The following CNTNAP2 variants were observed in gnomAD, a reference collection of about 807,000 sequenced individuals.
The protein encoded by CNTNAP2 is contactin-associated protein-like 2.
Under a neutral mutation model 155.2 loss-of-function variants are expected in CNTNAP2, and 98 were observed. That is an observed-to-expected ratio of 0.63 (90% confidence interval 0.54 to 0.75). CNTNAP2 has a LOEUF of 0.75. Ranked by LOEUF, CNTNAP2 falls within the 30% of genes least tolerant of loss-of-function variation. The pLI, the probability that CNTNAP2 is intolerant of heterozygous loss-of-function variation, is 0.00. For synonymous variants in CNTNAP2, 651 were observed against 631.2 expected, an observed-to-expected ratio of 1.03 and a Z score of -0.47; for missense variants, 1,727 against 1,688.1, an observed-to-expected ratio of 1.02 and a Z score of -0.40.
At chr7:146,754,478 C>G (rs923747292) in intron 1 of CNTNAP2, among the ~76,000 whole-genome samples, 1 of 151,942 alleles carries the variant, frequency 6.6e-6, no homozygotes, top group South Asian at 2.1e-4. Flanking sequence ...CCTGTACACA[C>G]CCTGCTTCAG....
intron 21 of CNTNAP2, among the ~76,000 whole-genome samples, chr7:148,273,337 G>T (rs767553461): frequency 4.6e-5 from 7 of 152,060 alleles, no homozygotes; most frequent in Non-Finnish European, 2.9e-5. Context: ...TAACATTTAG[G>T]GTTCCTTGAT....
At chr7:148,410,976 A>G (rs1324570632) in intron 23 of CNTNAP2, among the ~76,000 whole-genome samples, 4 of 152,202 alleles carry the variant, frequency 2.6e-5, no homozygotes, top group East Asian at 1.9e-4. Flanking sequence ...ACGTGTAACA[A>G]ATTTTCTCAT....
At chr7:148,085,537 C>A (rs73470295) in intron 15 of CNTNAP2, among the ~76,000 whole-genome samples, 8,481 of 152,150 alleles carry the variant, frequency 0.056, 303 homozygotes, top group Admixed American at 0.12. Flanking sequence ...AAAGAATACC[C>A]GTGTTTTTCA....
chr7:147,529,742 CA>C (rs1480983294), intron 11 of CNTNAP2, among the ~76,000 whole-genome samples: 1 of 152,158 alleles, frequency 6.6e-6, no homozygotes, highest in Non-Finnish European at 1.5e-5. Context: ...AGTGCATAGG[CA>C]ATTTTATCAT....
chr7:146,457,754 GGGTCTCCCAAA>G (rs1563091648), intron 1 of CNTNAP2, among the ~76,000 whole-genome samples: 1 of 151,200 alleles, frequency 6.6e-6, no homozygotes, highest in Non-Finnish European at 1.5e-5. Flanking sequence ...CCACCCACCT[GGGTCTCCCAAA>G]GTGCTGGGAT....
chr7:146,217,798 A>G (rs1465537296), intron 1 of CNTNAP2, among the ~76,000 whole-genome samples: 2 of 152,182 alleles, frequency 1.3e-5, no homozygotes. Flanking sequence ...TAACCAGCAC[A>G]TAGTTATATA....
chr7:148,108,364 TA>T (rs34910578), intron 15 of CNTNAP2, among the ~76,000 whole-genome samples: 2,040 of 146,104 alleles, frequency 0.014, 27 homozygotes, highest in South Asian at 0.048. Flanking sequence ...ACCAAAAAAT[TA>T]AAAAAAAAAA....
At chr7:147,328,984 G>C (rs2692131) in intron 9 of CNTNAP2, among the ~76,000 whole-genome samples, 56,496 of 152,010 alleles carry the variant, frequency 0.37, 11,156 homozygotes, top group African/African-American at 0.5. Flanking sequence ...CAGACCAAGA[G>C]GAAAGGTGAA....
At chr7:147,942,099 T>C (rs1447397579) in intron 14 of CNTNAP2, among the ~76,000 whole-genome samples, 1 of 152,212 alleles carries the variant, frequency 6.6e-6, no homozygotes, top group African/African-American at 2.4e-5. Flanking sequence ...CTGCTATTTC[T>C]GAGGTTCTTT....
chr7:147,113,799 C>T (rs1393508469), intron 5 of CNTNAP2, among the ~76,000 whole-genome samples: 1 of 151,906 alleles, frequency 6.6e-6, no homozygotes, highest in Non-Finnish European at 1.5e-5. Flanking sequence ...TTTGTGTGTG[C>T]CTCTCTATTC....
intron 16 of CNTNAP2, among the ~76,000 whole-genome samples, chr7:148,143,680 A>G (rs1805118634): frequency 6.6e-6 from 1 of 152,180 alleles, no homozygotes; most frequent in Non-Finnish European, 1.5e-5. Flanking sequence ...CCCTGTCTCA[A>G]AAAATACAAA....
chr7:147,720,074 T>C (rs1796541532), intron 13 of CNTNAP2, among the ~76,000 whole-genome samples: 1 of 152,044 alleles, frequency 6.6e-6, no homozygotes, highest in South Asian at 2.1e-4. Flanking sequence ...TTATACTCAA[T>C]GACTATTTTC....
chr7:147,615,199 T>C (rs1801258367), intron 12 of CNTNAP2, among the ~76,000 whole-genome samples: 2 of 134,290 alleles, frequency 1.5e-5, no homozygotes, highest in Admixed American at 8.7e-5. Context: ...GGGAGGTTGA[T>C]GCTGCAGTGA....
chr7:147,284,818 G>A (rs1490468005), intron 8 of CNTNAP2, among the ~76,000 whole-genome samples: 1 of 151,890 alleles, frequency 6.6e-6, no homozygotes, highest in Non-Finnish European at 1.5e-5. Context: ...AAGAGACATA[G>A]TTAATGAATA....
At chr7:146,243,918 A>G (rs1036382971) in intron 1 of CNTNAP2, among the ~76,000 whole-genome samples, 3 of 152,156 alleles carry the variant, frequency 2.0e-5, no homozygotes, top group Admixed American at 1.3e-4. Flanking sequence ...ATAATGGGCG[A>G]TGTTTCTCAG....
At chr7:147,762,155 T>TCGCACACA (rs151236161) in intron 13 of CNTNAP2, among the ~76,000 whole-genome samples, 2 of 144,350 alleles carry the variant, frequency 1.4e-5, no homozygotes, top group Non-Finnish European at 3.0e-5. Context: ...TCTCTCTGTC[T>TCGCACACA]CACACACACA....
chr7:146,497,837 T>C (rs1245838845), intron 1 of CNTNAP2, among the ~76,000 whole-genome samples: 1 of 148,442 alleles, frequency 6.7e-6, no homozygotes, highest in East Asian at 1.9e-4. Flanking sequence ...TAATATATAA[T>C]ATATTTAAGT....
chr7:147,040,753 G>T lies in CNTNAP2; in HGVS notation c.403-3154G>T, dbSNP rs190997062. Reference sequence around the variant, plus strand: ...TGTGATTACAGGTGTGAGCCACTGCGCCTGGGGAAGAGTAGAATATTAAGA... The same window carrying T: ...TGTGATTACAGGTGTGAGCCACTGCTCCTGGGGAAGAGTAGAATATTAAGA... On this transcript the variant is annotated intron_variant, in intron 3 of 23. Transcript: ENST00000361727. Among the ~76,000 whole-genome samples the T allele has an allele frequency of 1.4e-3, 210 of 152,094 alleles. 1 individual carries two copies. Among genetic ancestry groups the T allele is most frequent in the African/African-American group, 4.9e-3 (202 of 41,498 alleles).
intron 3 of CNTNAP2, among the ~76,000 whole-genome samples, chr7:146,856,957 G>C (rs1352894218): frequency 6.6e-6 from 1 of 152,152 alleles, no homozygotes; most frequent in Non-Finnish European, 1.5e-5. Context: ...TCCTAGCCTG[G>C]ATCCTGTCTT....
Sources: gnomAD v4.1 joint callset for allele counts (sites outside exome capture counted in the v4.1 genomes callset) on GRCh38, gnomAD v4.1.1 for gene constraint, MANE v1.5 for transcripts, NCBI Gene and HGNC (gene_info 2026-07-23, HGNC 2026-07-21) for gene names.